Variants in DLGAP2 observed in about 807,000 individuals in gnomAD.
DLGAP2 encodes disks large-associated protein 2.
A neutral mutation model predicts 100.3 loss-of-function variants in DLGAP2; 26 were observed. That is an observed-to-expected ratio of 0.26 (90% CI 0.19 to 0.36). The LOEUF (loss-of-function observed/expected upper bound fraction) is 0.36. Among genes scored for constraint, DLGAP2 ranks in the 10% least tolerant of loss-of-function variants. DLGAP2 has a pLI of 1.00. For missense variants in DLGAP2, 1,858 were observed against 1,453.2 expected, an observed-to-expected ratio of 1.28 and a Z score of -4.53; for synonymous variants, 886 against 630.1, an observed-to-expected ratio of 1.41 and a Z score of -6.08.
intron 3 of DLGAP2, among the ~76,000 whole-genome samples, chr8:1,436,167 C>T (rs1299696769): frequency 6.6e-6 from 1 of 152,200 alleles, no homozygotes; most frequent in Non-Finnish European, 1.5e-5. Context: ...CGTCTGCAAG[C>T]TGAGGAACCA....
chr8:863,577 C>T (rs1371215997), intron 1 of DLGAP2, among the ~76,000 whole-genome samples: 1 of 152,186 alleles, frequency 6.6e-6, no homozygotes, highest in Non-Finnish European at 1.5e-5. Flanking sequence ...TTTCTCTTCA[C>T]TCTGTTGATT....
intron 3 of DLGAP2, among the ~76,000 whole-genome samples, chr8:1,412,954 T>G (rs1336994341): frequency 1.3e-5 from 2 of 152,154 alleles, no homozygotes; most frequent in Non-Finnish European, 1.5e-5. Context: ...CCAGCTCAAG[T>G]GTCCCCTCCT....
At chr8:1,353,449 T>C (rs930903341) in intron 3 of DLGAP2, among the ~76,000 whole-genome samples, 1 of 152,238 alleles carries the variant, frequency 6.6e-6, no homozygotes, top group Non-Finnish European at 1.5e-5. Context: ...TATGATGAAA[T>C]AGGCTTTGTG....
chr8:744,255 G>GGTTT (rs1336088720), intron 1 of DLGAP2, among the ~76,000 whole-genome samples: 2 of 152,162 alleles, frequency 1.3e-5, no homozygotes, highest in Admixed American at 6.5e-5. Flanking sequence ...GGGTTGGGAA[G>GGTTT]GTTTCTCTGT....
intron 3 of DLGAP2, among the ~76,000 whole-genome samples, chr8:1,408,904 C>T (rs955625427): frequency 6.6e-6 from 1 of 152,166 alleles, no homozygotes; most frequent in Admixed American, 6.5e-5. Context: ...GCCTGTCTGC[C>T]CACCCTCCTG....
At position 741,140 on chromosome 8, in the gene DLGAP2, G is replaced by A. The variant is rs538023170; in HGVS notation, c.18+3315G>A. On this transcript the variant is annotated intron_variant, in intron 1 of 14. Coordinates refer to ENST00000637795, the MANE Select transcript of DLGAP2 (RefSeq NM_001346810.2). ...TTTGTTGTTTCCTGGGTACTTGTGC[G>A]TACAAAAACTGAGCATAGTGATTTC... Among the ~76,000 whole-genome samples the A allele has an allele frequency of 1.1e-4, 16 of 152,284 alleles. No individual in the cohort carries two copies. The South Asian group carries it at 2.7e-3, about 26-fold the overall frequency.
chr8:1,369,137 T>G (rs1447529101), intron 3 of DLGAP2: 4 of 152,148 alleles, frequency 2.6e-5, no homozygotes, highest in Admixed American at 2.0e-4. Flanking sequence ...AGTTCTATGT[T>G]ATAAAATAAT....
At chr8:993,676 A>C (rs544010861) in intron 2 of DLGAP2, among the ~76,000 whole-genome samples, 1 of 151,744 alleles carries the variant, frequency 6.6e-6, no homozygotes, top group Non-Finnish European at 1.5e-5. Context: ...TTAGCCTGAG[A>C]GGACGTCAGT....
At chr8:1,173,217 C>G (rs1267862904) in intron 2 of DLGAP2, among the ~76,000 whole-genome samples, 1 of 152,180 alleles carries the variant, frequency 6.6e-6, no homozygotes, top group East Asian at 1.9e-4. Context: ...ACCGCGAATG[C>G]TGCTGCCTGA....
At chr8:1,565,366 G>T in intron 5 of DLGAP2, 1 of 269,740 alleles carries the variant, frequency 3.7e-6, no homozygotes, top group East Asian at 6.6e-5. Flanking sequence ...TCTTATACCA[G>T]AGGGAAATAA....
chr8:869,675 C>T (rs1051803237), intron 1 of DLGAP2, among the ~76,000 whole-genome samples: 2 of 152,164 alleles, frequency 1.3e-5, no homozygotes, highest in Admixed American at 6.5e-5. Flanking sequence ...AATGAATATG[C>T]GCATGTTTTG....
chr8:756,025 C>A (rs192022675), intron 1 of DLGAP2, among the ~76,000 whole-genome samples: 1 of 152,130 alleles, frequency 6.6e-6, no homozygotes, highest in African/African-American at 2.4e-5. Flanking sequence ...AGGTTATAAC[C>A]GGTATTTGGC....
intron 1 of DLGAP2, among the ~76,000 whole-genome samples, chr8:848,867 C>T (rs540828687): frequency 1.4e-4 from 20 of 142,492 alleles, no homozygotes; most frequent in African/African-American, 2.9e-4. Flanking sequence ...CATAGGATCG[C>T]GCGGTGTCTG....
chr8:1,036,298 G>T (rs1802121602), intron 2 of DLGAP2, among the ~76,000 whole-genome samples: 2 of 152,278 alleles, frequency 1.3e-5, no homozygotes, highest in South Asian at 2.1e-4. Flanking sequence ...GTGCTAGAAG[G>T]TCAGCAGTAA....
At chr8:1,060,573 C>T (rs1253452272) in intron 2 of DLGAP2, among the ~76,000 whole-genome samples, 2 of 152,168 alleles carry the variant, frequency 1.3e-5, no homozygotes, top group African/African-American at 4.8e-5. Flanking sequence ...TGCTCTAATC[C>T]AGGATGACCT....
chr8:1,640,203 G>T (rs1275030913), intron 8 of DLGAP2, among the ~76,000 whole-genome samples: 2 of 152,160 alleles, frequency 1.3e-5, no homozygotes, highest in African/African-American at 4.8e-5. Context: ...CGTAAATCCA[G>T]GTTGATCCTG....
intron 2 of DLGAP2, among the ~76,000 whole-genome samples, chr8:970,319 T>C (rs1304032989): frequency 2.6e-5 from 4 of 152,232 alleles, no homozygotes; most frequent in Non-Finnish European, 5.9e-5. Flanking sequence ...ATAGTAAGGA[T>C]GTTATATATT....
chr8:1,540,308 C>T (rs1004065266), intron 4 of DLGAP2, among the ~76,000 whole-genome samples: 1 of 152,160 alleles, frequency 6.6e-6, no homozygotes, highest in African/African-American at 2.4e-5. Flanking sequence ...TGTTTATTGC[C>T]GGTACCACCA....
intron 1 of DLGAP2, among the ~76,000 whole-genome samples, chr8:804,089 T>A (rs1042065775): frequency 6.6e-5 from 10 of 152,282 alleles, no homozygotes; most frequent in South Asian, 2.1e-4. Flanking sequence ...CTGTTGTAGG[T>A]GATTAAGCAC....
Sources: gnomAD v4.1 joint callset for allele counts (sites outside exome capture counted in the v4.1 genomes callset) on GRCh38, gnomAD v4.1.1 for gene constraint, MANE v1.5 for transcripts, NCBI Gene and HGNC (gene_info 2026-07-23, HGNC 2026-07-21) for gene names.